Variants in SF3A3 observed in about 807,000 individuals in gnomAD.
SF3A3 encodes the protein splicing factor 3a subunit 3.
A neutral mutation model predicts 85.8 loss-of-function variants in SF3A3; 9 were observed. The observed-to-expected ratio is 0.10, with a 90% CI of 0.06 to 0.18. The LOEUF is 0.18. Among genes scored for constraint, SF3A3 ranks in the 10% least tolerant of loss-of-function variants. The pLI is 1.00. For missense variants in SF3A3, 306 were observed against 593.3 expected (o/e 0.52, Z 5.03); for synonymous variants, 195 against 204.4 (o/e 0.95, Z 0.39).
chr1:37,986,012 G>A (rs1243286941), intron 4 of SF3A3, among the ~76,000 whole-genome samples: 1 of 146,210 alleles, frequency 6.8e-6, no homozygotes, highest in Non-Finnish European at 1.5e-5. Context: ...GCAGTGGCGT[G>A]ATCTCAGCTC....
At chr1:37,966,075 C>A (rs184093515) in intron 15 of SF3A3, among the ~76,000 whole-genome samples, 3 of 151,866 alleles carry the variant, frequency 2.0e-5, no homozygotes, top group Non-Finnish European at 2.9e-5. Context: ...TGGTGGCGAG[C>A]GCTTGTAATT....
chr1:37,979,128 G>A (rs560063752), intron 9 of SF3A3, 73 bp from the exon 10 acceptor site: 2 of 1,246,774 alleles, frequency 1.6e-6, no homozygotes, highest in African/African-American at 3.0e-5. Context: ...AGGCCAGAGG[G>A]TGGGTGTTCC....
chr1:37,972,375 G>A (rs1646350262), intron 12 of SF3A3, among the ~76,000 whole-genome samples: 2 of 152,112 alleles, frequency 1.3e-5, no homozygotes, highest in South Asian at 4.1e-4. Flanking sequence ...AGAAATGGAA[G>A]AACATTCCAT....
intron 15 of SF3A3, among the ~76,000 whole-genome samples, chr1:37,962,590 C>T (rs1304985610): frequency 6.8e-4 from 69 of 100,896 alleles, no homozygotes; most frequent in Admixed American, 3.0e-3. Flanking sequence ...GCAACAAGAG[C>T]GAAACTCCAT....
rs570389550 is a variant in SF3A3, at chr1:37,989,820, G to A, written c.96+50C>T. 3.8e-5 allele frequency: 55 copies of A among 1,452,036 alleles called. 1 individual carries two copies. In the South Asian group the frequency reaches 4.6e-4, roughly 12 times the overall value. 89.9% of individuals were successfully genotyped at this position (1,452,036 alleles called of 1,614,324 possible). A position where few individuals can be genotyped will look rare whatever the true frequency, so the allele number is the denominator to read the frequency against. On this transcript the variant is annotated intron_variant, in intron 1 of 16. Transcript: ENST00000373019. ...AAGCAAGCTCTCAGAGGTCAAACAC[G>A]GGATAGAGGCTCGTGCTCCTGCCGC... is the stretch of plus-strand genomic sequence containing the variant.
intron 15 of SF3A3, among the ~76,000 whole-genome samples, chr1:37,966,230 T>C (rs980643438): frequency 1.6e-5 from 2 of 126,112 alleles, no homozygotes; most frequent in Admixed American, 1.6e-4. Flanking sequence ...AATTAATTAA[T>C]TAAATTAAAT....
chr1:37,966,188 G>C (rs1646298457), intron 15 of SF3A3, among the ~76,000 whole-genome samples: 1 of 151,470 alleles, frequency 6.6e-6, no homozygotes, highest in African/African-American at 2.4e-5. Flanking sequence ...GGGTGACAGA[G>C]CAAGACTCTG....
chr1:37,962,622 A>AT (rs1399921885), intron 15 of SF3A3, among the ~76,000 whole-genome samples: 1 of 151,006 alleles, frequency 6.6e-6, no homozygotes, highest in Non-Finnish European at 1.5e-5. Context: ...AAAAAAAAAA[A>AT]AAGAATATTA....
chr1:37,959,111 C>T (rs960183753), intron 16 of SF3A3, among the ~76,000 whole-genome samples: 2 of 146,726 alleles, frequency 1.4e-5, no homozygotes, highest in Admixed American at 7.0e-5. Context: ...TAAGTTCTTG[C>T]TCTGTCACCC....
chr1:37,965,239 G>A (rs570719860), intron 15 of SF3A3, among the ~76,000 whole-genome samples: 9 of 147,716 alleles, frequency 6.1e-5, no homozygotes, highest in Admixed American at 4.1e-4. Context: ...GCCAAGGTGG[G>A]AGGATCACTT....
rs146003490 is a variant in SF3A3, at chr1:37,986,704, C to G, written c.303+869G>C. Among the ~76,000 whole-genome samples the G allele has an allele frequency of 4.3e-3, 626 of 146,802 alleles. 4 individuals are homozygous for G. Among genetic ancestry groups the G allele is most frequent in the African/African-American group, 0.015 (594 of 39,648 alleles). ...GCAGGCACCTGTAGTCCCAGCTACT[C>G]AGGAGGCTGAGGAAGGAGAATGGCA... On this transcript the variant is annotated intron_variant, in intron 4 of 16. Transcript: ENST00000373019.
chr1:37,963,463 A>C (rs1646276354), intron 15 of SF3A3, among the ~76,000 whole-genome samples: 1 of 152,212 alleles, frequency 6.6e-6, no homozygotes, highest in East Asian at 1.9e-4. Context: ...CAGTGGCAAT[A>C]ACAACATTCA....
intron 12 of SF3A3, among the ~76,000 whole-genome samples, chr1:37,970,554 A>G (rs899677109): frequency 6.5e-5 from 2 of 30,618 alleles, no homozygotes; most frequent in Non-Finnish European, 1.1e-4. Flanking sequence ...CAGAATATAC[A>G]TTCTTCTCAG....
intron 15 of SF3A3, among the ~76,000 whole-genome samples, chr1:37,963,327 GAA>G (rs1157957996): frequency 6.6e-6 from 1 of 152,038 alleles, no homozygotes; most frequent in Admixed American, 6.6e-5. Flanking sequence ...AAAAGAGAGA[GAA>G]GACAGGGGCT....
chr1:37,971,385 A>AG, intron 12 of SF3A3, among the ~76,000 whole-genome samples: 1 of 152,298 alleles, frequency 6.6e-6, no homozygotes, highest in East Asian at 1.9e-4. Context: ...ACCAAAAAAA[A>AG]GTCCAGGACC....
At chr1:37,986,108 C>T (rs937140802) in intron 4 of SF3A3, among the ~76,000 whole-genome samples, 76 of 152,132 alleles carry the variant, frequency 5.0e-4, no homozygotes, top group African/African-American at 1.7e-3. Context: ...ACCACCATGC[C>T]CGGCTAATTT....
At chr1:37,962,331 C>T (rs1170434733) in intron 15 of SF3A3, among the ~76,000 whole-genome samples, 2 of 137,976 alleles carry the variant, frequency 1.4e-5, no homozygotes, top group African/African-American at 2.7e-5. Flanking sequence ...AGGCTGGGCG[C>T]GGTGGCTCAC....
chr1:37,982,402 C>T (rs1646425668), intron 6 of SF3A3, among the ~76,000 whole-genome samples: 1 of 149,950 alleles, frequency 6.7e-6, no homozygotes, highest in Non-Finnish European at 1.5e-5. Context: ...CGGAGTTTGG[C>T]TCTTGTTGCC....
At chr1:37,961,594 A>G (rs1025241403) in intron 15 of SF3A3, among the ~76,000 whole-genome samples, 1 of 150,708 alleles carries the variant, frequency 6.6e-6, no homozygotes, top group African/African-American at 2.4e-5. Flanking sequence ...CAAAAAAACA[A>G]AAAAAAATTA....
Sources: gnomAD v4.1 joint callset for allele counts (sites outside exome capture counted in the v4.1 genomes callset) on GRCh38, gnomAD v4.1.1 for gene constraint, MANE v1.5 for transcripts, NCBI Gene and HGNC (gene_info 2026-07-23, HGNC 2026-07-21) for gene names.